Variants in SNRPG observed in about 807,000 individuals in gnomAD.
SNRPG encodes the protein small nuclear ribonucleoprotein polypeptide G.
A neutral mutation model predicts 13.9 loss-of-function variants in SNRPG; 3 were observed. That is an observed-to-expected ratio of 0.22 (90% CI 0.10 to 0.56). The LOEUF (loss-of-function observed/expected upper bound fraction) is 0.56. SNRPG is among the 20% of genes least tolerant of loss of function. The pLI, the probability that SNRPG is intolerant of heterozygous loss-of-function variation, is 0.93. For missense variants in SNRPG, 34 were observed against 96.1 expected (o/e 0.35, Z 2.70); for synonymous variants, 29 against 29.3 (o/e 0.99, Z 0.03).
At chr2:70,282,523 AAAGTTCACG>A (rs1469619069) in intron 3 of SNRPG, among the ~76,000 whole-genome samples, 2 of 152,220 alleles carry the variant, frequency 1.3e-5, no homozygotes, top group African/African-American at 2.4e-5. Flanking sequence ...AATGCAGTAA[AAAGTTCACG>A]AAGAGAATCA....
At chr2:70,288,465 C>T (rs1696996989) in intron 2 of SNRPG, among the ~76,000 whole-genome samples, 2 of 152,174 alleles carry the variant, frequency 1.3e-5, no homozygotes, top group African/African-American at 4.8e-5. Context: ...CCCTATGTTG[C>T]CCAGGCTGGT....
chr2:70,291,062 T>C (rs1440781644), intron 1 of SNRPG, among the ~76,000 whole-genome samples: 12 of 127,462 alleles, frequency 9.4e-5, no homozygotes, highest in African/African-American at 1.6e-4. Context: ...CACACACATA[T>C]ATGAAGTAAA....
At chr2:70,292,641 GC>G (rs1697129777) in intron 1 of SNRPG, 1 of 158,248 alleles carries the variant, frequency 6.3e-6, no homozygotes, top group Non-Finnish European at 1.4e-5. Context: ...GAGCCACTGT[GC>G]CCGGCCGCAA....
At position 70,293,488 on chromosome 2, in the gene SNRPG, C is replaced by T. The variant is rs2272533; in HGVS notation, c.32+130G>A. The T allele has an allele frequency of 2.5e-4, 221 of 878,354 alleles. No homozygotes were observed. The East Asian group carries it at 5.2e-3, about 21-fold the overall frequency. The allele number at this position is 878,354 out of a possible 1,614,324, so 54.4% of individuals were successfully genotyped here. ...CATGCGCGGGAGCCTGGCCGGGATC[C>T]CGGCGACCTCGGACCGGAAGAAGAA... On this transcript the variant is annotated intron_variant, in intron 1 of 3. Transcript: ENST00000272348.
At chr2:70,288,719 C>T (rs1697004546) in intron 2 of SNRPG, among the ~76,000 whole-genome samples, 1 of 152,168 alleles carries the variant, frequency 6.6e-6, no homozygotes, top group South Asian at 2.1e-4. Flanking sequence ...AATGTTATTC[C>T]TACATATTCC....
chr2:70,290,914 G>A (rs1342950880), intron 1 of SNRPG, among the ~76,000 whole-genome samples: 1 of 149,702 alleles, frequency 6.7e-6, no homozygotes, highest in African/African-American at 2.5e-5. Context: ...GGGAGGCTGA[G>A]GCAGGAGAAT....
intron 3 of SNRPG, among the ~76,000 whole-genome samples, chr2:70,286,383 A>G (rs1696942380): frequency 1.3e-5 from 2 of 151,398 alleles, no homozygotes; most frequent in African/African-American, 4.9e-5. Context: ...CCTTCTTCCA[A>G]CTTTAGAAAA....
At position 70,281,578 on chromosome 2, in the gene SNRPG, A is replaced by C. The variant is rs1696785041; in HGVS notation, c.*56T>G. 1 of 972,154 alleles carries C rather than the reference A, an allele frequency of 1.0e-6. No homozygotes were observed. The highest frequency in any genetic ancestry group is 2.6e-5 in the East Asian group (1 of 38,608). 60.2% of individuals were successfully genotyped at this position (972,154 alleles called of 1,614,324 possible). A position where few individuals can be genotyped will look rare whatever the true frequency, so the allele number is the denominator to read the frequency against. ...GTACATGACCTAATTTTTACATCAT[A>C]GTAAAACAGGCCCTATGGAGAGAGG... On this transcript the variant is annotated 3_prime_UTR_variant, in exon 4 of 4. Coordinates refer to ENST00000272348, the MANE Select transcript of SNRPG (RefSeq NM_003096.4).
rs533554257 is a variant in SNRPG, at chr2:70,284,790, C to A, written c.181-3106G>T. Among the ~76,000 whole-genome samples the A allele has an allele frequency of 8.5e-5, 13 of 152,266 alleles. No homozygotes were observed. The East Asian group carries it at 2.5e-3, about 29-fold the overall frequency. On this transcript the variant is annotated intron_variant, in intron 3 of 3. Coordinates refer to ENST00000272348, the MANE Select transcript of SNRPG (RefSeq NM_003096.4). ...GCTAGCCTTCCTGCCTAGCTCCCTGCTAAATTTACATATTTGTCTTGTCAC... is the reference window on the plus strand; with the variant it reads ...GCTAGCCTTCCTGCCTAGCTCCCTGATAAATTTACATATTTGTCTTGTCAC...
chr2:70,292,836 C>A, intron 1 of SNRPG: 1 of 328,222 alleles, frequency 3.0e-6, no homozygotes, highest in Non-Finnish European at 5.7e-6. Flanking sequence ...ATAAGCAAAA[C>A]AGAAACGTAG....
At chr2:70,288,790 T>G (rs1697006476) in intron 2 of SNRPG, among the ~76,000 whole-genome samples, 1 of 152,240 alleles carries the variant, frequency 6.6e-6, no homozygotes, top group Non-Finnish European at 1.5e-5. Context: ...AGAAAAAAGG[T>G]TGATAAATCC....
chr2:70,286,708 G>GC (rs1212890294), intron 3 of SNRPG, among the ~76,000 whole-genome samples: 7 of 152,128 alleles, frequency 4.6e-5, no homozygotes, highest in African/African-American at 1.4e-4. Flanking sequence ...CCAGAGGGAT[G>GC]CTCTATTCCT....
intron 1 of SNRPG, among the ~76,000 whole-genome samples, chr2:70,292,072 CG>C (rs1697113753): frequency 6.6e-6 from 1 of 150,784 alleles, no homozygotes; most frequent in South Asian, 2.1e-4. Context: ...CTCAGCCTCC[CG>C]AGTAGCTGGG....
chr2:70,283,126 A>AACAACG lies in SNRPG; in HGVS notation c.181-1443_181-1442insCGTTGT, dbSNP rs1369735650. On this transcript the variant is annotated intron_variant, in intron 3 of 3. Coordinates refer to ENST00000272348, the MANE Select transcript of SNRPG (RefSeq NM_003096.4). ...AAAAAAAAAAAAAAAAAAAAAAAAC[A>AACAACG]ACAAACCAAAACCAAAACAAACCAA... Among the ~76,000 whole-genome samples, 418 of 143,692 alleles carry AACAACG rather than the reference A, an allele frequency of 2.9e-3. 5 individuals are homozygous for AACAACG. The highest frequency in any genetic ancestry group is 9.8e-3 in the African/African-American group (366 of 37,228). The allele number at this position is 143,692 out of a possible 152,430, so 94.3% of individuals were successfully genotyped here.
In SNRPG at chr2:70,293,676, G is replaced by T; in HGVS notation, c.-27C>A. 3 of 1,612,328 alleles carry T rather than the reference G, an allele frequency of 1.9e-6. No homozygotes were observed. Among genetic ancestry groups the T allele is most frequent in the Non-Finnish European group, 2.5e-6 (3 of 1,178,378 alleles). ...GTGTATACTCCGCGGGCTCACAGAT[G>T]CCTTGGAACGCAACGCACGGCTTTC... is the stretch of plus-strand genomic sequence containing the variant. On this transcript the variant is annotated 5_prime_UTR_variant, in exon 1 of 4. Transcript: ENST00000272348.
chr2:70,293,090 G>A (rs755659005), intron 1 of SNRPG: 39 of 702,098 alleles, frequency 5.6e-5, no homozygotes, highest in Non-Finnish European at 9.1e-5. Flanking sequence ...TGACATTCAA[G>A]CTTAACGTAA....
At chr2:70,292,377 C>T (rs193287224) in intron 1 of SNRPG, among the ~76,000 whole-genome samples, 1 of 150,794 alleles carries the variant, frequency 6.6e-6, no homozygotes, top group African/African-American at 2.4e-5. Flanking sequence ...AACAGAGTTT[C>T]GGTCTTGTTA....
intron 3 of SNRPG, among the ~76,000 whole-genome samples, chr2:70,286,392 A>ATCTTCT (rs1260981783): frequency 6.6e-6 from 1 of 151,234 alleles, no homozygotes; most frequent in African/African-American, 2.5e-5. Flanking sequence ...AACTTTAGAA[A>ATCTTCT]AGTCAAAAAG....
Position 70,293,660 on chromosome 2 carries a change from C to T in SNRPG, c.-11G>A, listed in dbSNP as rs375246588. The T allele has an allele frequency of 2.8e-4, 457 of 1,614,016 alleles. 1 individual carries two copies. Among genetic ancestry groups the T allele is most frequent in the Middle Eastern group, 2.1e-3 (13 of 6,056 alleles). On this transcript the variant is annotated 5_prime_UTR_variant, in exon 1 of 4. Transcript: ENST00000272348. ...GTGAGCTTTGCTCATGGTGTATACT[C>T]CGCGGGCTCACAGATGCCTTGGAAC... is the stretch of plus-strand genomic sequence containing the variant.
Sources: gnomAD v4.1 joint callset for allele counts (sites outside exome capture counted in the v4.1 genomes callset) on GRCh38, gnomAD v4.1.1 for gene constraint, MANE v1.5 for transcripts, NCBI Gene and HGNC (gene_info 2026-07-23, HGNC 2026-07-21) for gene names.